Variants in RALGAPA1 observed in about 807,000 individuals in gnomAD.
RALGAPA1 encodes Ral GTPase activating protein catalytic subunit alpha 1, also known as ral GTPase-activating protein subunit alpha-1.
In RALGAPA1, 52 loss-of-function variants were observed where a neutral mutation model predicts 269.6. The observed-to-expected ratio is 0.19, with a 90% CI of 0.15 to 0.24. The LOEUF is 0.24. Ranked by LOEUF, RALGAPA1 falls within the 10% of genes least tolerant of loss-of-function variation. RALGAPA1 has a pLI of 1.00. For synonymous variants in RALGAPA1, 817 were observed against 1,008.3 expected (o/e 0.81, Z 3.60); for missense variants, 1,917 against 3,013.9 (o/e 0.64, Z 8.52).
chr14:35,685,729 C>A (rs764442154), intron 19 of RALGAPA1, among the ~76,000 whole-genome samples: 4 of 152,112 alleles, frequency 2.6e-5, no homozygotes, highest in Non-Finnish European at 5.9e-5. Flanking sequence ...CATGGTGAAA[C>A]CCTGTCTCTA....
intron 21 of RALGAPA1, among the ~76,000 whole-genome samples, chr14:35,680,645 C>T (rs1007782262): frequency 6.6e-6 from 1 of 151,736 alleles, no homozygotes; most frequent in Non-Finnish European, 1.5e-5. Flanking sequence ...GACAGAGTCT[C>T]GCTTTGTCCC....
intron 37 of RALGAPA1, among the ~76,000 whole-genome samples, chr14:35,589,336 T>C (rs1248115636): frequency 6.6e-6 from 1 of 152,188 alleles, no homozygotes; most frequent in Non-Finnish European, 1.5e-5. Context: ...AGAGCTATTG[T>C]ACAACATAAT....
chr14:35,629,049 A>G (rs943745750), intron 33 of RALGAPA1, among the ~76,000 whole-genome samples: 2 of 152,102 alleles, frequency 1.3e-5, no homozygotes, highest in African/African-American at 4.8e-5. Context: ...GGTAAAGGAG[A>G]AAGGAGACAG....
chr14:35,745,298 CAT>C (rs535630704), intron 10 of RALGAPA1, among the ~76,000 whole-genome samples: 6 of 152,236 alleles, frequency 3.9e-5, no homozygotes, highest in South Asian at 2.1e-4. Context: ...GAGGTACCCA[CAT>C]GTCTTGATTT....
At chr14:35,696,808 T>C (rs961951572) in intron 17 of RALGAPA1, among the ~76,000 whole-genome samples, 1 of 152,204 alleles carries the variant, frequency 6.6e-6, no homozygotes, top group African/African-American at 2.4e-5. Context: ...AGGAAATATT[T>C]TATGAGTTCG....
At chr14:35,684,103 A>G in intron 20 of RALGAPA1, 118 bp from the exon 21 acceptor site, 1 of 712,076 alleles carries the variant, frequency 1.4e-6, no homozygotes, top group Non-Finnish European at 2.3e-6. Flanking sequence ...TTCTGTTTAC[A>G]TATCACTCAG....
intron 26 of RALGAPA1, among the ~76,000 whole-genome samples, chr14:35,667,799 A>G (rs2064073516): frequency 6.6e-6 from 1 of 152,234 alleles, no homozygotes; most frequent in Non-Finnish European, 1.5e-5. Flanking sequence ...GCAATTCCAC[A>G]ATTGGATATA....
intron 39 of RALGAPA1, among the ~76,000 whole-genome samples, chr14:35,552,767 A>G (rs1204555450): frequency 6.6e-6 from 1 of 152,006 alleles, no homozygotes; most frequent in East Asian, 1.9e-4. Flanking sequence ...ACAGCAATAT[A>G]ATTATCCACT....
At chr14:35,726,509 G>C (rs2069924140) in intron 13 of RALGAPA1, among the ~76,000 whole-genome samples, 1 of 152,056 alleles carries the variant, frequency 6.6e-6, no homozygotes, top group Non-Finnish European at 1.5e-5. Context: ...TTCTGGCCAG[G>C]TGTGGTGGCT....
chr14:35,638,295 T>C (rs1020049682), intron 31 of RALGAPA1, among the ~76,000 whole-genome samples: 2 of 151,980 alleles, frequency 1.3e-5, no homozygotes, highest in Non-Finnish European at 2.9e-5. Context: ...AAGATATAAA[T>C]AGAAAGAATA....
chr14:35,783,316 A>G (rs983918030), intron 1 of RALGAPA1, among the ~76,000 whole-genome samples: 1 of 152,194 alleles, frequency 6.6e-6, no homozygotes, highest in African/African-American at 2.4e-5. Context: ...GAGGGAAAAA[A>G]AAAGTATTTT....
chr14:35,706,633 T>C (rs1478033479), intron 16 of RALGAPA1: 4 of 117,720 alleles, frequency 3.4e-5, no homozygotes, highest in East Asian at 2.4e-4. Context: ...TTTTTTTTTT[T>C]CTGATACAAG....
intron 1 of RALGAPA1, among the ~76,000 whole-genome samples, chr14:35,799,720 A>G (rs2076839768): frequency 6.6e-6 from 1 of 152,154 alleles, no homozygotes; most frequent in South Asian, 2.1e-4. Context: ...GAAAACAAAT[A>G]GAAAGATGAC....
intron 37 of RALGAPA1, among the ~76,000 whole-genome samples, chr14:35,575,152 T>C (rs1050986831): frequency 2.6e-5 from 4 of 151,310 alleles, no homozygotes; most frequent in African/African-American, 9.7e-5. Context: ...AAAGATTGTA[T>C]AACCAGTAGG....
chr14:35,753,126 G>A (rs893931515), intron 7 of RALGAPA1, among the ~76,000 whole-genome samples: 1 of 152,166 alleles, frequency 6.6e-6, no homozygotes, highest in African/African-American at 2.4e-5. Context: ...TACGAGATGA[G>A]CTTGGAACAT....
Position 35,688,957 on chromosome 14 carries a change from C to CA in RALGAPA1, c.3453dup (p.Val1152CysfsTer4). On this transcript the variant is annotated frameshift_variant, in exon 18 of 42. Transcript: ENST00000680220. LOFTEE classifies it high-confidence loss of function. Reference sequence around the variant, plus strand: ...GACTCAGTGGATGGCCTAAAAGTAACATGAACACTATTTCGTTTTTTAGTA... The same window carrying CA: ...GACTCAGTGGATGGCCTAAAAGTAACAATGAACACTATTTCGTTTTTTAGTA... 2 of 1,238,464 alleles carry CA rather than the reference C, an allele frequency of 1.6e-6. No individual in the cohort carries two copies. The highest frequency in any genetic ancestry group is 2.0e-6 in the Non-Finnish European group (2 of 991,686). The allele number at this position is 1,238,464 out of a possible 1,614,324, so 76.7% of individuals were successfully genotyped here.
intron 37 of RALGAPA1, among the ~76,000 whole-genome samples, chr14:35,588,096 G>A (rs923385416): frequency 6.6e-5 from 10 of 152,064 alleles, no homozygotes; most frequent in South Asian, 6.2e-4. Flanking sequence ...TAGTAAAGAC[G>A]GGGTTTCACC....
At position 35,570,750 on chromosome 14, in the gene RALGAPA1, T is replaced by G. The variant is rs184616296; in HGVS notation, c.7369-6A>C. ...AGGGGACCAAAGAAGGGAACCTGAT[T>G]GAGAAATCAGAACATAATTTTACAT... On this transcript the variant is annotated splice_polypyrimidine_tract_variant and splice_region_variant and intron_variant, in intron 38 of 41. Coordinates refer to ENST00000680220, the MANE Select transcript of RALGAPA1 (RefSeq NM_001346249.2). The G allele has an allele frequency of 9.6e-5, 152 of 1,582,048 alleles. No individual in the cohort carries two copies. In the African/African-American group the frequency reaches 1.7e-3, roughly 18 times the overall value.
chr14:35,655,714 T>C (rs1315282438), intron 29 of RALGAPA1, 93 bp downstream of exon 29: 2 of 1,465,118 alleles, frequency 1.4e-6, no homozygotes, highest in African/African-American at 2.9e-5. Context: ...TGAAAACATT[T>C]ACTAAATGTT....
Sources: gnomAD v4.1 joint callset for allele counts (sites outside exome capture counted in the v4.1 genomes callset) on GRCh38, gnomAD v4.1.1 for gene constraint, MANE v1.5 for transcripts, NCBI Gene and HGNC (gene_info 2026-07-23, HGNC 2026-07-21) for gene names.